The following MFSD6 variants were observed in gnomAD, a reference collection of about 807,000 sequenced individuals.
MFSD6 encodes major facilitator superfamily domain-containing protein 6.
A neutral mutation model predicts 56.3 loss-of-function variants in MFSD6; 26 were observed. The ratio of observed to expected loss-of-function variants is 0.46; its 90% CI spans 0.34 to 0.64. MFSD6 has a LOEUF of 0.64. MFSD6 is among the 30% of genes least tolerant of loss of function. MFSD6 has a pLI of 0.01. For synonymous variants in MFSD6, 331 were observed against 366.9 expected, an observed-to-expected ratio of 0.90 and a Z score of 1.12; for missense variants, 750 against 986.2, an observed-to-expected ratio of 0.76 and a Z score of 3.21.
chr2:190,438,585 C>T lies in MFSD6; in HGVS notation c.1532+1024C>T, dbSNP rs1158641403. ...ACTATTTCTTCTCACCATTAATGTG[C>T]ACCTTGCTCTTTAGAGATCTTTCTG... On this transcript the variant is annotated intron_variant, in intron 3 of 7. Coordinates refer to ENST00000392328, the MANE Select transcript of MFSD6 (RefSeq NM_017694.4). This position sits in a 1 kb window ranked among gnomAD's most constrained non-coding sequence, Gnocchi z 5.2. Among the ~76,000 whole-genome samples, 3 of 152,200 alleles carry T rather than the reference C, an allele frequency of 2.0e-5. No individual in the cohort carries two copies. Among genetic ancestry groups the T allele is most frequent in the African/African-American group, 7.2e-5 (3 of 41,460 alleles).
chr2:190,412,139 G>T lies in MFSD6; in HGVS notation c.-175-3153G>T, dbSNP rs1690586437. ...GTCCCATAGTTCTATCCAATTCTAT[G>T]TAAAATTAACTAAAACCACTGCTTA... On this transcript the variant is annotated intron_variant, in intron 1 of 7. Transcript: ENST00000392328. The surrounding 1 kb of genome is among the most constrained non-coding windows in gnomAD (Gnocchi z 4.1). The T allele has an allele frequency of 1.0e-6, 1 of 983,886 alleles. No individual in the cohort carries two copies. 60.9% of individuals were successfully genotyped at this position (983,886 alleles called of 1,614,324 possible).
At position 190,497,722 on chromosome 2, in the gene MFSD6, A is replaced by G. The variant is rs754300616; in HGVS notation, c.2172+3A>G. ...CTTCTGAGATACAGCCTTTACAGGT[A>G]CAGTTCCTTTGCTGGGCTAGCAATA... On this transcript the variant is annotated splice_donor_region_variant and intron_variant, in intron 7 of 7. Transcript: ENST00000392328. The surrounding 1 kb of genome is among the most constrained non-coding windows in gnomAD (Gnocchi z 5.2). The G allele has an allele frequency of 1.2e-6, 2 of 1,609,194 alleles. No homozygotes were observed. The highest frequency in any genetic ancestry group is 2.2e-5 in the South Asian group (2 of 90,858).
Position 190,454,138 on chromosome 2 carries a change from T to C in MFSD6, c.1533-15620T>C, listed in dbSNP as rs1318914868. ...TTGTTACAGTAATCTTAGAAAACAG[T>C]TGTTTTATTACATCCATTTTACAAT... On this transcript the variant is annotated intron_variant, in intron 3 of 7. Transcript: ENST00000392328. This position sits in a 1 kb window ranked among gnomAD's most constrained non-coding sequence, Gnocchi z 4.6. 6.6e-6 allele frequency: 1 copy of C among 152,152 alleles called. No homozygotes were observed. The highest frequency in any genetic ancestry group is 1.5e-5 in the Non-Finnish European group (1 of 68,036). The allele number at this position is 152,152 out of a possible 1,614,324, so 9.4% of individuals were successfully genotyped here. A position where few individuals can be genotyped will look rare whatever the true frequency, so the allele number is the denominator to read the frequency against.
At chr2:190,430,949 G>A (rs1449339895) in intron 2 of MFSD6, among the ~76,000 whole-genome samples, 12 of 148,284 alleles carry the variant, frequency 8.1e-5, no homozygotes, top group Admixed American at 1.4e-4. Context: ...CTTCTCAGAC[G>A]GGGCGGCTGC....
In MFSD6 at chr2:190,492,080, G is replaced by T. The variant is rs557178384; in HGVS notation, c.1891+2214G>T. ...AAGAACTTCAGAGCTCAAAGACAAG[G>T]TTTTTGAATTAATCCAACGAAGACA... On this transcript the variant is annotated intron_variant, in intron 6 of 7. Transcript: ENST00000392328. This position sits in a 1 kb window ranked among gnomAD's most constrained non-coding sequence, Gnocchi z 5.2. Among the ~76,000 whole-genome samples, 1 of 152,144 alleles carries T rather than the reference G, an allele frequency of 6.6e-6. No individual in the cohort carries two copies. The highest frequency in any genetic ancestry group is 2.4e-5 in the African/African-American group (1 of 41,524).
intron 4 of MFSD6, chr2:190,477,040 A>G (rs961025952): frequency 1.7e-5 from 2 of 117,344 alleles, no homozygotes. Flanking sequence ...AACATCACAC[A>G]CTGGGGACTC....
intron 4 of MFSD6, among the ~76,000 whole-genome samples, chr2:190,483,313 T>C (rs763676647): frequency 3.6e-4 from 55 of 152,194 alleles, no homozygotes; most frequent in Non-Finnish European, 7.3e-4. Context: ...GAACATATAG[T>C]GTAATATTTA....
chr2:190,482,868 C>A (rs867031874), intron 4 of MFSD6, among the ~76,000 whole-genome samples: 7 of 48,292 alleles, frequency 1.4e-4, no homozygotes, highest in East Asian at 1.4e-3. Flanking sequence ...AGACTATCAT[C>A]TTTTTTTTTT....
chr2:190,443,304 A>T lies in MFSD6; in HGVS notation c.1532+5743A>T, dbSNP rs1205009202. 6.6e-6 allele frequency among the ~76,000 whole-genome samples: 1 copy of T among 152,202 alleles called. No individual in the cohort carries two copies. Among genetic ancestry groups the T allele is most frequent in the Non-Finnish European group, 1.5e-5 (1 of 68,034 alleles). ...TATATGGCCTTGGACAAGTTACAGAACTTTTTGCATCTCTGTATTGTTATC... is the reference window on the plus strand; with the variant it reads ...TATATGGCCTTGGACAAGTTACAGATCTTTTTGCATCTCTGTATTGTTATC... On this transcript the variant is annotated intron_variant, in intron 3 of 7. Transcript: ENST00000392328. The surrounding 1 kb of genome is among the most constrained non-coding windows in gnomAD (Gnocchi z 4.2).
At position 190,492,528 on chromosome 2, in the gene MFSD6, TTAAA is replaced by T. The variant is rs1486514234; in HGVS notation, c.1891+2666_1891+2669del. ...ATTAATTTCCATAAATAAATGGAAA[TTAAA>T]TAACCTCCTGAATTATCATTGGGTC... is the stretch of plus-strand genomic sequence containing the variant. On this transcript the variant is annotated intron_variant, in intron 6 of 7. Coordinates refer to ENST00000392328, the MANE Select transcript of MFSD6 (RefSeq NM_017694.4). This position sits in a 1 kb window ranked among gnomAD's most constrained non-coding sequence, Gnocchi z 5.2. 2.0e-5 allele frequency among the ~76,000 whole-genome samples: 3 copies of T among 152,150 alleles called. No individual in the cohort carries two copies. The highest frequency in any genetic ancestry group is 2.9e-5 in the Non-Finnish European group (2 of 68,020).
chr2:190,435,071 C>G (rs566952468), intron 2 of MFSD6, among the ~76,000 whole-genome samples: 2 of 152,212 alleles, frequency 1.3e-5, no homozygotes, highest in Admixed American at 6.5e-5. Flanking sequence ...ACCAACCCCC[C>G]TCTCCATCTG....
intron 3 of MFSD6, among the ~76,000 whole-genome samples, chr2:190,468,619 ATTTTTTT>A (rs71027223): frequency 1.6e-5 from 2 of 128,032 alleles, no homozygotes; most frequent in African/African-American, 2.9e-5. Flanking sequence ...AGCCTGGCTA[ATTTTTTT>A]TTTTTTTTTT....
chr2:190,476,491 A>G (rs1207535984), intron 4 of MFSD6, among the ~76,000 whole-genome samples: 5 of 152,240 alleles, frequency 3.3e-5, no homozygotes, highest in Non-Finnish European at 5.9e-5. Flanking sequence ...ATGCAAATCA[A>G]AACCACAATG....
rs1412496144 is a variant in MFSD6, at chr2:190,439,815, A to G, written c.1532+2254A>G. On this transcript the variant is annotated intron_variant, in intron 3 of 7. Transcript: ENST00000392328. The surrounding 1 kb of genome is among the most constrained non-coding windows in gnomAD (Gnocchi z 5.8). ...ATTTTCATTCTGTCCATTAAAATGT[A>G]TTAATTATTTCAAGTGCTTTTAAAA... 6.6e-6 allele frequency among the ~76,000 whole-genome samples: 1 copy of G among 152,170 alleles called. No homozygotes were observed. The highest frequency in any genetic ancestry group is 1.5e-5 in the Non-Finnish European group (1 of 68,022).
chr2:190,487,296 G>A lies in MFSD6; in HGVS notation c.1631-1361G>A, dbSNP rs556453987. Reference sequence around the variant, plus strand: ...GCAGAGGTTGCAGTGAGCTGAGGTCGTGCCACTGCACTCCAGCCTGGTGAC... The same window carrying A: ...GCAGAGGTTGCAGTGAGCTGAGGTCATGCCACTGCACTCCAGCCTGGTGAC... On this transcript the variant is annotated intron_variant, in intron 4 of 7. Transcript: ENST00000392328. The surrounding 1 kb of genome is among the most constrained non-coding windows in gnomAD (Gnocchi z 5.5). 5.3e-5 allele frequency among the ~76,000 whole-genome samples: 8 copies of A among 152,246 alleles called. No individual in the cohort carries two copies. The South Asian group carries it at 6.2e-4, about 12-fold the overall frequency.
intron 2 of MFSD6, among the ~76,000 whole-genome samples, chr2:190,421,103 G>A (rs1291942866): frequency 3.9e-5 from 6 of 152,108 alleles, no homozygotes; most frequent in East Asian, 1.9e-4. Flanking sequence ...CACTCATCAA[G>A]GTTTACATCA....
At position 190,469,688 on chromosome 2, in the gene MFSD6, G is replaced by A. The variant is rs1687800376; in HGVS notation, c.1533-70G>A. ...GCATGTTTTGTACACATATTAGATT[G>A]TATATTAGGGACTCAGTTTATTTTC... On this transcript the variant is annotated intron_variant, in intron 3 of 7. Transcript: ENST00000392328. This position sits in a 1 kb window ranked among gnomAD's most constrained non-coding sequence, Gnocchi z 5.3. The A allele has an allele frequency of 4.5e-6, 4 of 893,616 alleles. No homozygotes were observed. Among genetic ancestry groups the A allele is most frequent in the Non-Finnish European group, 6.2e-6 (4 of 644,992 alleles). The allele number at this position is 893,616 out of a possible 1,614,324, so 55.4% of individuals were successfully genotyped here. A position where few individuals can be genotyped will look rare whatever the true frequency, so the allele number is the denominator to read the frequency against.
chr2:190,459,412 T>C lies in MFSD6; in HGVS notation c.1533-10346T>C, dbSNP rs778992347. 7.9e-5 allele frequency among the ~76,000 whole-genome samples: 12 copies of C among 152,240 alleles called. No homozygotes were observed. Among genetic ancestry groups the C allele is most frequent in the Admixed American group, 3.9e-4 (6 of 15,284 alleles). On this transcript the variant is annotated intron_variant, in intron 3 of 7. Coordinates refer to ENST00000392328, the MANE Select transcript of MFSD6 (RefSeq NM_017694.4). The surrounding 1 kb of genome is among the most constrained non-coding windows in gnomAD (Gnocchi z 5.3). Reference sequence around the variant, plus strand: ...GTCAGTGATTCTTCTCAGGAAATTATAGTGTTTGTGTCATATGTATACCTT... The same window carrying C: ...GTCAGTGATTCTTCTCAGGAAATTACAGTGTTTGTGTCATATGTATACCTT...
At position 190,500,975 on chromosome 2, in the gene MFSD6, A is replaced by G. The variant is rs1316912895; in HGVS notation, c.*757A>G. 6.6e-6 allele frequency: 1 copy of G among 152,234 alleles called. No individual in the cohort carries two copies. Among genetic ancestry groups the G allele is most frequent in the African/African-American group, 2.4e-5 (1 of 41,448 alleles). The allele number at this position is 152,234 out of a possible 1,614,324, so 9.4% of individuals were successfully genotyped here. A position where few individuals can be genotyped will look rare whatever the true frequency, so the allele number is the denominator to read the frequency against. On this transcript the variant is annotated 3_prime_UTR_variant, in exon 8 of 8. Transcript: ENST00000392328. The surrounding 1 kb of genome is among the most constrained non-coding windows in gnomAD (Gnocchi z 5.3). The stretch of plus-strand genomic sequence containing the variant: ...AGAAACAAGCGATTATTTCAAATCA[A>G]CCAACCAACTCAGTATCCTGTGTTT...
Sources: gnomAD v4.1 joint callset for allele counts (sites outside exome capture counted in the v4.1 genomes callset) on GRCh38, gnomAD v4.1.1 for gene constraint, Gnocchi (gnomAD v3.1) non-coding constraint, MANE v1.5 for transcripts, NCBI Gene and HGNC (gene_info 2026-07-23, HGNC 2026-07-21) for gene names.